Variants in GOLGA4 observed in about 807,000 individuals in gnomAD.
GOLGA4 encodes the protein golgin A4.
In GOLGA4, 169 loss-of-function variants were observed where a neutral mutation model predicts 265.9. That is an observed-to-expected ratio of 0.64 (90% CI 0.56 to 0.72). The LOEUF is 0.72. GOLGA4 is among the 30% of genes least tolerant of loss of function. The pLI is 0.00. For synonymous variants in GOLGA4, 923 were observed against 855.8 expected (o/e 1.08, Z -1.37); for missense variants, 2,482 against 2,483.4 (o/e 1.00, Z 0.01).
At chr3:37,257,643 A>C (rs1220427107) in intron 2 of GOLGA4, among the ~76,000 whole-genome samples, 1 of 151,532 alleles carries the variant, frequency 6.6e-6, no homozygotes, top group African/African-American at 2.4e-5. Context: ...CAGATGTACT[A>C]TTATGTGGAT....
At chr3:37,330,996 ACT>A (rs1406030816) in intron 16 of GOLGA4, among the ~76,000 whole-genome samples, 10 of 147,542 alleles carry the variant, frequency 6.8e-5, no homozygotes, top group African/African-American at 2.5e-4. Flanking sequence ...GTGCCACTGC[ACT>A]CCAGCCTGGG....
intron 17 of GOLGA4, 72 bp from the exon 18 acceptor site, chr3:37,337,071 A>T: frequency 1.0e-6 from 1 of 964,778 alleles, no homozygotes. Context: ...TTATATCTTT[A>T]TATTGCTTTG....
intron 4 of GOLGA4, among the ~76,000 whole-genome samples, chr3:37,286,953 A>G (rs2150795249): frequency 6.6e-6 from 1 of 152,318 alleles, no homozygotes; most frequent in Non-Finnish European, 1.5e-5. Context: ...TGGCTATGGA[A>G]ATTTCCCACT....
chr3:37,326,284 G>T lies in GOLGA4; in HGVS notation c.4398G>T (p.Gln1466His). The change falls in exon 14 of 24, where the codon CAG (glutamine) becomes CAT (histidine). Residue 1466 changes from glutamine to histidine, a missense_variant. Coordinates refer to ENST00000361924, the MANE Select transcript of GOLGA4 (RefSeq NM_002078.5). Reference protein sequence around the residue: ...HQNTVKELQIQLELKSKEAYE... With the variant: ...HQNTVKELQIHLELKSKEAYE... ...ACACTGTTAAAGAATTGCAGATCCA[G>T]CTTGAGTTAAAATCAAAGGAAGCTT... 6.2e-7 allele frequency: 1 copy of T among 1,612,808 alleles called. No homozygotes were observed.
intron 2 of GOLGA4, among the ~76,000 whole-genome samples, chr3:37,251,835 C>T (rs62244289): frequency 0.022 from 3,280 of 152,224 alleles, 42 homozygotes; most frequent in Non-Finnish European, 0.036. Flanking sequence ...TAGGCGCACG[C>T]CACCTGCCTG....
intron 10 of GOLGA4, chr3:37,302,676 G>T: frequency 5.0e-6 from 1 of 199,032 alleles, no homozygotes. Flanking sequence ...TGCTGACAGA[G>T]TATCAAAATT....
At chr3:37,339,266 G>A (rs940041778) in intron 19 of GOLGA4, among the ~76,000 whole-genome samples, 14 of 152,082 alleles carry the variant, frequency 9.2e-5, no homozygotes, top group Admixed American at 3.3e-4. Context: ...ATATACCATC[G>A]TATGGATATA....
At chr3:37,304,121 TGTGGA>T (rs1387138962) in intron 10 of GOLGA4, among the ~76,000 whole-genome samples, 2 of 152,108 alleles carry the variant, frequency 1.3e-5, no homozygotes, top group Non-Finnish European at 2.9e-5. Flanking sequence ...TCATAGGAAT[TGTGGA>T]TAGTTTTTTG....
Position 37,320,120 on chromosome 3 carries a change from A to G in GOLGA4, c.1545+926A>G, listed in dbSNP as rs1354793800. 1.8e-5 allele frequency: 2 copies of G among 112,968 alleles called. 1 individual carries two copies. The highest frequency in any genetic ancestry group is 4.4e-5 in the Non-Finnish European group (2 of 45,912). 7.0% of individuals were successfully genotyped at this position (112,968 alleles called of 1,614,324 possible). ...ATGGCTTAAAAAAGAGTTAAATTAA[A>G]AAACTTCCTGAGCTAACAAAAACAA... On this transcript the variant is annotated intron_variant, in intron 12 of 23. Coordinates refer to ENST00000361924, the MANE Select transcript of GOLGA4 (RefSeq NM_002078.5).
chr3:37,324,460 T>A lies in GOLGA4; in HGVS notation c.2574T>A (p.Ala858=). The change falls in exon 14 of 24, where the codon GCT becomes GCA. Residue 858 remains alanine (A), a synonymous_variant. Transcript: ENST00000361924. ...AAGATGTTTGTACTGAGTTAGATGCTCACAAAATCCAGGTGCAGGACTTAA... is the reference window on the plus strand; with the variant it reads ...AAGATGTTTGTACTGAGTTAGATGCACACAAAATCCAGGTGCAGGACTTAA... ...QKKDVCTELD[A]HKIQVQDLMQ... is the part of the protein sequence containing the mutation. The A allele has an allele frequency of 6.2e-7, 1 of 1,614,138 alleles. No individual in the cohort carries two copies. The highest frequency in any genetic ancestry group is 8.5e-7 in the Non-Finnish European group (1 of 1,180,010).
chr3:37,360,991 A>C (rs1261954882), intron 22 of GOLGA4, among the ~76,000 whole-genome samples: 1 of 152,150 alleles, frequency 6.6e-6, no homozygotes, highest in Admixed American at 6.5e-5. Flanking sequence ...TACACCTTTC[A>C]TTACGTTGTT....
chr3:37,295,369 C>T (rs1266726617), intron 6 of GOLGA4, among the ~76,000 whole-genome samples: 1 of 152,106 alleles, frequency 6.6e-6, no homozygotes, highest in Admixed American at 6.5e-5. Flanking sequence ...CAGGCATATG[C>T]CACCACGCCC....
At chr3:37,351,967 G>C (rs2097075999) in intron 21 of GOLGA4, among the ~76,000 whole-genome samples, 1 of 152,046 alleles carries the variant, frequency 6.6e-6, no homozygotes. Flanking sequence ...TTAAAGCTTT[G>C]AAGCTTTTGA....
In GOLGA4 at chr3:37,287,771, T is replaced by C. The variant is rs77704053; in HGVS notation, c.526-1464T>C. 1.7e-4 allele frequency among the ~76,000 whole-genome samples: 26 copies of C among 152,308 alleles called. No homozygotes were observed. The East Asian group carries it at 4.2e-3, about 25-fold the overall frequency. On this transcript the variant is annotated intron_variant, in intron 4 of 23. Transcript: ENST00000361924. ...ACAAACAAAACCTGTGTTCATGGCT[T>C]TTTTGGGGAAAAGAACTTTGGTTTT...
At chr3:37,284,369 C>T (rs1249133538) in intron 3 of GOLGA4, among the ~76,000 whole-genome samples, 1 of 152,024 alleles carries the variant, frequency 6.6e-6, no homozygotes, top group African/African-American at 2.4e-5. Context: ...GGTCCTGGGC[C>T]AAGCAGTTCT....
intron 2 of GOLGA4, among the ~76,000 whole-genome samples, chr3:37,256,026 G>A (rs2096747733): frequency 6.6e-6 from 1 of 152,162 alleles, no homozygotes; most frequent in South Asian, 2.1e-4. Context: ...TGAGGCAAGA[G>A]GATCCCTTGA....
At position 37,282,144 on chromosome 3, in the gene GOLGA4, C is replaced by T. The variant is rs143425704; in HGVS notation, c.349C>T (p.Pro117Ser). 35 of 1,613,932 alleles carry T rather than the reference C, an allele frequency of 2.2e-5. No individual in the cohort carries two copies. Among genetic ancestry groups the T allele is most frequent in the Non-Finnish European group, 2.8e-5 (33 of 1,179,878 alleles). ...CAGTTCTACTGCCAGTTTTGATCCA[C>T]CCTCTGATATGGATAGCGAGGCTGA... is the stretch of plus-strand genomic sequence containing the variant. ...LDSSTASFDPPSDMDSEAEDL... is the reference protein window; with the variant it reads ...LDSSTASFDPSSDMDSEAEDL... The change falls in exon 3 of 24, where the codon CCC (proline) becomes TCC (serine). Residue 117 changes from proline (P) to serine (S), a missense_variant. Around this residue, in one of 3 missense-constraint regions of GOLGA4, gnomAD observed 1,536 missense variants for 1,483.7 expected, o/e 1.04. Transcript: ENST00000361924.
chr3:37,310,215 A>G (rs2096919319), intron 10 of GOLGA4, among the ~76,000 whole-genome samples: 1 of 152,132 alleles, frequency 6.6e-6, no homozygotes, highest in South Asian at 2.1e-4. Flanking sequence ...CCATATAGTG[A>G]AGTGTTCTCT....
chr3:37,340,942 T>G (rs967373798), intron 20 of GOLGA4, among the ~76,000 whole-genome samples: 1 of 151,734 alleles, frequency 6.6e-6, no homozygotes, highest in Admixed American at 6.6e-5. Flanking sequence ...CTGAGGCAGG[T>G]GGATCATGAG....
Sources: allele counts gnomAD v4.1 joint callset (sites outside exome capture counted in the v4.1 genomes callset), GRCh38; gene constraint gnomAD v4.1.1; regional missense constraint gnomAD v4.1.1; transcripts MANE v1.5; gene names NCBI Gene and HGNC (gene_info 2026-07-23, HGNC 2026-07-21).